Variants in GDNF observed in about 807,000 individuals in gnomAD.
The protein encoded by GDNF is glial cell line-derived neurotrophic factor.
Under a neutral mutation model 13.7 loss-of-function variants are expected in GDNF, and 5 were observed. That is an observed-to-expected ratio of 0.36 (90% CI 0.19 to 0.77). The LOEUF is 0.77. GDNF is among the 30% of genes least tolerant of loss of function. The probability of loss-of-function intolerance (pLI) is 0.51; values close to 1 mark genes in which losing one functional copy is unlikely to be tolerated. For missense variants in GDNF, 246 were observed against 274.3 expected, an observed-to-expected ratio of 0.90 and a Z score of 0.73; for synonymous variants, 122 against 112.5, an observed-to-expected ratio of 1.08 and a Z score of -0.53.
In GDNF at chr5:37,818,643, G is replaced by C. The variant is rs148961697; in HGVS notation, c.152-2508C>G. 2.2e-3 allele frequency among the ~76,000 whole-genome samples: 328 copies of C among 152,282 alleles called. 1 individual carries two copies. The highest frequency in any genetic ancestry group is 7.6e-3 in the African/African-American group (314 of 41,566). ...CTCTGGATATTGCAAATGTCCCCTAGGGGCAACACCATCCCTTGAGAACTA... is the reference window on the plus strand; with the variant it reads ...CTCTGGATATTGCAAATGTCCCCTACGGGCAACACCATCCCTTGAGAACTA... On this transcript the variant is annotated intron_variant, in intron 2 of 2. Transcript: ENST00000326524.
At position 37,815,190 on chromosome 5, in the gene GDNF, C is replaced by T. The variant is rs981400561; in HGVS notation, c.*461G>A. ...AAACCTCTTACTTTCAGCAGTAAAA[C>T]GTAATAACAAGGAACAACACCAGGA... On this transcript the variant is annotated 3_prime_UTR_variant, in exon 3 of 3. Coordinates refer to ENST00000326524, the MANE Select transcript of GDNF (RefSeq NM_000514.4). This position sits in a 1 kb window ranked among gnomAD's most constrained non-coding sequence, Gnocchi z 5.0. 1.1e-5 allele frequency: 2 copies of T among 180,086 alleles called. No homozygotes were observed. The highest frequency in any genetic ancestry group is 2.6e-4 in the South Asian group (2 of 7,584). 11.2% of individuals were successfully genotyped at this position (180,086 alleles called of 1,614,324 possible).
chr5:37,825,167 C>T (rs571600556), intron 2 of GDNF, among the ~76,000 whole-genome samples: 3 of 152,202 alleles, frequency 2.0e-5, no homozygotes, highest in Non-Finnish European at 4.4e-5. Context: ...TGTTATCCTA[C>T]AACTCAACTA....
intron 2 of GDNF, among the ~76,000 whole-genome samples, chr5:37,820,066 ACT>A (rs1310680378): frequency 2.0e-5 from 3 of 152,104 alleles, no homozygotes; most frequent in Admixed American, 6.6e-5. Context: ...AAAAACAGAG[ACT>A]CTGTTTTACA....
At chr5:37,835,666 G>C (rs936854422) in intron 1 of GDNF, 1 of 1,550,034 alleles carries the variant, frequency 6.5e-7, no homozygotes, top group African/African-American at 1.4e-5. Context: ...CATTTGTCTT[G>C]AAAGTTTTAA....
At chr5:37,832,527 C>T (rs552415675) in intron 2 of GDNF, among the ~76,000 whole-genome samples, 1 of 152,088 alleles carries the variant, frequency 6.6e-6, no homozygotes, top group Non-Finnish European at 1.5e-5. Flanking sequence ...TGGGTCTTCC[C>T]ACAGACAAAA....
intron 1 of GDNF, among the ~76,000 whole-genome samples, chr5:37,836,687 C>T (rs966171202): frequency 1.3e-5 from 2 of 152,210 alleles, no homozygotes; most frequent in African/African-American, 4.8e-5. Flanking sequence ...TGCCAGCTCC[C>T]GGGTGCGTGC....
Position 37,815,010 on chromosome 5 carries a change from G to A in GDNF, c.*641C>T, listed in dbSNP as rs778458794. ...CCAACTTCTTCCCACCCCACACACC[G>A]TGATGGAAATCAATCACCAACCGTT... On this transcript the variant is annotated 3_prime_UTR_variant, in exon 3 of 3. Transcript: ENST00000326524. This position sits in a 1 kb window ranked among gnomAD's most constrained non-coding sequence, Gnocchi z 5.0. The A allele has an allele frequency of 2.5e-4, 38 of 153,878 alleles. No homozygotes were observed. The highest frequency in any genetic ancestry group is 3.1e-4 in the African/African-American group (13 of 41,578). 9.5% of individuals were successfully genotyped at this position (153,878 alleles called of 1,614,324 possible). A position where few individuals can be genotyped will look rare whatever the true frequency, so the allele number is the denominator to read the frequency against.
intron 2 of GDNF, among the ~76,000 whole-genome samples, chr5:37,818,890 T>G (rs943964459): frequency 6.6e-6 from 1 of 152,120 alleles, no homozygotes; most frequent in African/African-American, 2.4e-5. Flanking sequence ...TAAAACAAGA[T>G]TCCTCCCCAG....
chr5:37,826,665 G>A (rs1175956583), intron 2 of GDNF, among the ~76,000 whole-genome samples: 1 of 152,204 alleles, frequency 6.6e-6, no homozygotes, highest in East Asian at 1.9e-4. Context: ...CTGGCCCTCT[G>A]GGGGCACAGG....
At position 37,814,059 on chromosome 5, in the gene GDNF, C is replaced by A. The variant is rs546517198; in HGVS notation, c.*1592G>T. 1.8e-3 allele frequency: 278 copies of A among 152,704 alleles called. No individual in the cohort carries two copies. Among genetic ancestry groups the A allele is most frequent in the Non-Finnish European group, 3.2e-3 (215 of 68,066 alleles). 9.5% of individuals were successfully genotyped at this position (152,704 alleles called of 1,614,324 possible). On this transcript the variant is annotated 3_prime_UTR_variant, in exon 3 of 3. Coordinates refer to ENST00000326524, the MANE Select transcript of GDNF (RefSeq NM_000514.4). The stretch of plus-strand genomic sequence containing the variant: ...CAGGGGTTGTACAGGACCTGGTAGA[C>A]CCTACCTCTGGAAGGCCCCTGTGTC...
chr5:37,820,926 T>C (rs1750116291), intron 2 of GDNF, among the ~76,000 whole-genome samples: 1 of 149,906 alleles, frequency 6.7e-6, no homozygotes, highest in Non-Finnish European at 1.5e-5. Context: ...TTTTCCTTCA[T>C]AGTCATGAAA....
At chr5:37,830,632 G>A (rs981317808) in intron 2 of GDNF, among the ~76,000 whole-genome samples, 4 of 152,200 alleles carry the variant, frequency 2.6e-5, no homozygotes, top group Admixed American at 1.3e-4. Flanking sequence ...AATTCACTGG[G>A]TGCCCAGGGA....
intron 2 of GDNF, among the ~76,000 whole-genome samples, chr5:37,816,678 A>G (rs1464629287): frequency 6.6e-6 from 1 of 152,204 alleles, no homozygotes; most frequent in Admixed American, 6.5e-5. Context: ...AGATCCACGC[A>G]CTAAACTTTG....
chr5:37,835,783 C>A, intron 1 of GDNF: 1 of 808,246 alleles, frequency 1.2e-6, no homozygotes, highest in South Asian at 1.5e-5. Flanking sequence ...GCTCCCCGCG[C>A]CCCCGTCACG....
rs1043084170 is a variant in GDNF at position 37,834,553 on chromosome 5, C to T, written c.151+93G>A. 62 of 1,178,938 alleles carry T rather than the reference C, an allele frequency of 5.3e-5. No homozygotes were observed. The African/African-American group carries it at 9.1e-4, about 17-fold the overall frequency. 73.0% of individuals were successfully genotyped at this position (1,178,938 alleles called of 1,614,324 possible). On this transcript the variant is annotated intron_variant, in intron 2 of 2. Coordinates refer to ENST00000326524, the MANE Select transcript of GDNF (RefSeq NM_000514.4). ...ACGGGTCGGTAGGCCACACAGCCAT[C>T]AGGCTGGCTTGGGGTACGTGCGGGG...
intron 2 of GDNF, among the ~76,000 whole-genome samples, chr5:37,817,875 C>T (rs189454525): frequency 6.6e-6 from 1 of 152,282 alleles, no homozygotes. Flanking sequence ...CAGAGGGATA[C>T]TTTAAACGCA....
intron 2 of GDNF, among the ~76,000 whole-genome samples, chr5:37,823,065 C>T: frequency 6.6e-6 from 1 of 152,190 alleles, no homozygotes; most frequent in East Asian, 1.9e-4. Context: ...AGGTGGAATA[C>T]TGCCTACTTT....
At chr5:37,825,951 T>A (rs1750300811) in intron 2 of GDNF, among the ~76,000 whole-genome samples, 1 of 152,320 alleles carries the variant, frequency 6.6e-6, no homozygotes, top group Admixed American at 6.5e-5. Context: ...CTTCAGGTAA[T>A]GAGATACGGT....
At chr5:37,824,480 C>T (rs1033816874) in intron 2 of GDNF, 2 of 152,182 alleles carry the variant, frequency 1.3e-5, no homozygotes, top group Admixed American at 1.3e-4. Flanking sequence ...CTTATTTGAC[C>T]TTCAGGAACC....
Sources: gnomAD v4.1 joint callset for allele counts (sites outside exome capture counted in the v4.1 genomes callset) on GRCh38, gnomAD v4.1.1 for gene constraint, Gnocchi (gnomAD v3.1) non-coding constraint, MANE v1.5 for transcripts, NCBI Gene and HGNC (gene_info 2026-07-23, HGNC 2026-07-21) for gene names.